The following MLXIPL variants were observed in gnomAD, a reference collection of about 807,000 sequenced individuals.
MLXIPL encodes MLX interacting protein like.
Under a neutral mutation model 81.5 loss-of-function variants are expected in MLXIPL, and 49 were observed. The observed-to-expected ratio is 0.60, with a 90% CI of 0.48 to 0.76. The LOEUF is 0.76. Ranked by LOEUF, MLXIPL falls within the 30% of genes least tolerant of loss-of-function variation. The probability of loss-of-function intolerance (pLI) is 0.00; values close to 1 mark genes in which losing one functional copy is unlikely to be tolerated. For missense variants in MLXIPL, 1,053 were observed against 1,167.0 expected, an observed-to-expected ratio of 0.90 and a Z score of 1.42; for synonymous variants, 466 against 485.5, an observed-to-expected ratio of 0.96 and a Z score of 0.53.
At position 73,597,706 on chromosome 7, in the gene MLXIPL, T is replaced by C. The variant is rs782379940; in HGVS notation, c.1079A>G (p.Asn360Ser). Residue 360 changes from asparagine (N) to serine (S), a missense_variant, in exon 9 of 17, where the codon AAC becomes AGC. Asn to Ser is a conservative substitution (Grantham distance 46). Coordinates refer to ENST00000313375, the MANE Select transcript of MLXIPL (RefSeq NM_032951.3). ...LSGHSRLQAR[N>S]SCPGPLDSSA... ...GGAGTCCAAGGGGCCAGGGCAGCTG[T>C]TCCGAGCCTGGTTGGGGGGACAGAC... 14 of 1,343,286 alleles carry C rather than the reference T, an allele frequency of 1.0e-5. No individual in the cohort carries two copies. The Admixed American group carries it at 2.9e-4, about 28-fold the overall frequency. 83.2% of individuals were successfully genotyped at this position (1,343,286 alleles called of 1,614,324 possible).
intron 7 of MLXIPL, among the ~76,000 whole-genome samples, chr7:73,602,191 ATCTC>A (rs1370589837): frequency 7.8e-4 from 42 of 54,008 alleles, no homozygotes; most frequent in African/African-American, 2.9e-3. Flanking sequence ...TCTTTCTTTC[ATCTC>A]TCTCTCTCTC....
intron 2 of MLXIPL, among the ~76,000 whole-genome samples, chr7:73,612,019 C>T (rs1446793058): frequency 3.3e-5 from 5 of 151,772 alleles, no homozygotes; most frequent in African/African-American, 1.2e-4. Context: ...AGGAAATGAA[C>T]ACCAGCAAAG....
At chr7:73,602,167 T>TTCCTTCCTTCCTTCCTTC (rs1554596522) in intron 7 of MLXIPL, among the ~76,000 whole-genome samples, 88 of 22,688 alleles carry the variant, frequency 3.9e-3, no homozygotes, top group South Asian at 0.02. Flanking sequence ...TTCCTTCCTT[T>TTCCTTCCTTCCTTCCTTC]CTTTCCCTCT....
chr7:73,622,263 G>A (rs1366901950), intron 1 of MLXIPL, among the ~76,000 whole-genome samples: 2 of 151,990 alleles, frequency 1.3e-5, no homozygotes, highest in Non-Finnish European at 2.9e-5. Context: ...GGCCAAGGCA[G>A]GTGGATCACC....
At chr7:73,603,049 A>T (rs1307327107) in intron 7 of MLXIPL, among the ~76,000 whole-genome samples, 2 of 152,078 alleles carry the variant, frequency 1.3e-5, no homozygotes, top group Non-Finnish European at 2.9e-5. Flanking sequence ...CTGACCTGTC[A>T]TCCCCTCCCT....
intron 7 of MLXIPL, among the ~76,000 whole-genome samples, chr7:73,603,264 C>T (rs536211195): frequency 6.6e-6 from 1 of 152,316 alleles, no homozygotes; most frequent in African/African-American, 2.4e-5. Context: ...CCACACGAGC[C>T]ACCTCCTCTG....
In MLXIPL at chr7:73,605,699, A is replaced by G. The variant is rs781994262; in HGVS notation, c.890T>C (p.Met297Thr). Residue 297 changes from methionine (M) to threonine (T), a missense_variant, in exon 7 of 17, where the codon ATG becomes ACG. Physicochemically the swap from Met to Thr is moderately conservative, Grantham distance 81. Around this residue, in one of 3 missense-constraint regions of MLXIPL, gnomAD observed 823 missense variants for 933.0 expected, o/e 0.88. Transcript: ENST00000313375. ...GGGGCTCGCCCCACCTGAGATGTCC[A>G]TGAAGTCATCCAGGCTTGGCTGCAG... ...TPLQPSLDDF[M>T]DISDFFTNSR... 17 of 1,613,462 alleles carry G rather than the reference A, an allele frequency of 1.1e-5. No individual in the cohort carries two copies. The highest frequency in any genetic ancestry group is 1.4e-5 in the Non-Finnish European group (16 of 1,179,886).
At chr7:73,626,452 G>T (rs533251098), upstream of MLXIPL, among the ~76,000 whole-genome samples, 1 of 151,016 alleles carries the variant, frequency 6.6e-6, no homozygotes, top group South Asian at 2.1e-4. Flanking sequence ...ACAGGCTCAT[G>T]CCACCAAACC....
At chr7:73,641,481 G>C in the MLXIPL span, among the ~76,000 whole-genome samples, 1 of 152,128 alleles carries the variant, frequency 6.6e-6, no homozygotes, top group Non-Finnish European at 1.5e-5. Context: ...CCTGGAGGTG[G>C]TGTTTCACCA....
chr7:73,614,657 G>C lies in MLXIPL; in HGVS notation c.400+1414C>G, dbSNP rs541782207. The stretch of plus-strand genomic sequence containing the variant: ...TCTCTGCCTCTGCTGCCCTGCCATG[G>C]GGAGTGGGGTGTTCCCAAATGAATG... On this transcript the variant is annotated intron_variant, in intron 2 of 16. Coordinates refer to ENST00000313375, the MANE Select transcript of MLXIPL (RefSeq NM_032951.3). 2.0e-4 allele frequency among the ~76,000 whole-genome samples: 30 copies of C among 152,234 alleles called. No homozygotes were observed. The South Asian group carries it at 6.0e-3, about 30-fold the overall frequency.
At chr7:73,633,709 C>G in the MLXIPL span, among the ~76,000 whole-genome samples, 2 of 152,178 alleles carry the variant, frequency 1.3e-5, no homozygotes, top group Non-Finnish European at 2.9e-5. Flanking sequence ...CTGCCTCAGC[C>G]TCCCAAAGTT....
the MLXIPL span, among the ~76,000 whole-genome samples, chr7:73,646,966 G>A: frequency 6.6e-6 from 1 of 152,088 alleles, no homozygotes; most frequent in South Asian, 2.1e-4. Flanking sequence ...GTCCCCCAAA[G>A]CAACCTGGTG....
Position 73,606,958 on chromosome 7 carries a change from C to T in MLXIPL, c.618+16G>A. 1 of 1,613,368 alleles carries T rather than the reference C, an allele frequency of 6.2e-7. No homozygotes were observed. Among genetic ancestry groups the T allele is most frequent in the Non-Finnish European group, 8.5e-7 (1 of 1,179,750 alleles). On this transcript the variant is annotated intron_variant, in intron 5 of 16. Transcript: ENST00000313375. ...CAAAGGGATGCCCTTGCCTGCTGGA[C>T]TTACAGAGCACCCACCTGCTTAGGG... is the stretch of plus-strand genomic sequence containing the variant.
At chr7:73,624,126 C>T (rs1349476202) in intron 1 of MLXIPL, 74 bp downstream of exon 1, 8 of 1,469,770 alleles carry the variant, frequency 5.4e-6, no homozygotes, top group South Asian at 1.4e-5. Context: ...GGCCCCAGCG[C>T]GCAGTCCTGC....
intron 1 of MLXIPL, among the ~76,000 whole-genome samples, chr7:73,621,670 T>TCTCCCTCCATCCCCCTCC (rs1796357330): frequency 7.5e-6 from 1 of 133,804 alleles, no homozygotes; most frequent in Non-Finnish European, 1.7e-5. Flanking sequence ...CAACCCTCCA[T>TCTCCCTCCATCCCCCTCC]CTCCCTCCAT....
chr7:73,638,924 T>A, the MLXIPL span, among the ~76,000 whole-genome samples: 1 of 151,790 alleles, frequency 6.6e-6, no homozygotes, highest in South Asian at 2.1e-4. Flanking sequence ...CTCATTTAAG[T>A]CTTTCATTCC....
chr7:73,595,339 C>A (rs1030482300), intron 15 of MLXIPL, among the ~76,000 whole-genome samples: 1 of 152,164 alleles, frequency 6.6e-6, no homozygotes, highest in Non-Finnish European at 1.5e-5. Flanking sequence ...AGTCCTCACT[C>A]CAGAGTTCAG....
chr7:73,594,217 G>C (rs1468545283), intron 16 of MLXIPL, 57 bp downstream of exon 16: 27 of 1,605,478 alleles, frequency 1.7e-5, no homozygotes, highest in Non-Finnish European at 2.2e-5. Flanking sequence ...AGGGTGGAAT[G>C]CTCCCTCCAC....
intron 7 of MLXIPL, among the ~76,000 whole-genome samples, chr7:73,600,650 G>A (rs1381353617): frequency 8.0e-6 from 1 of 125,208 alleles, no homozygotes; most frequent in Non-Finnish European, 1.7e-5. Context: ...GAGTGGGGTG[G>A]GGGCGAGAGG....
Sources: gnomAD v4.1 joint callset for allele counts (sites outside exome capture counted in the v4.1 genomes callset) on GRCh38, gnomAD v4.1.1 for gene constraint, gnomAD v4.1.1 regional missense constraint, MANE v1.5 for transcripts, NCBI Gene and HGNC (gene_info 2026-07-23, HGNC 2026-07-21) for gene names.